TXNDC8: variants seen among roughly 807,000 people sequenced by gnomAD.
TXNDC8 encodes thioredoxin domain-containing protein 8.
Under a neutral mutation model 12.9 loss-of-function variants are expected in TXNDC8, and 15 were observed. The ratio of observed to expected loss-of-function variants is 1.16; its 90% CI spans 0.78 to 1.79. The LOEUF is 1.79. TXNDC8 is among the 40% of genes most tolerant of loss of function. The pLI, the probability that TXNDC8 is intolerant of heterozygous loss-of-function variation, is 0.00. For missense variants in TXNDC8, 128 were observed against 113.2 expected, an observed-to-expected ratio of 1.13 and a Z score of -0.59; for synonymous variants, 40 against 35.4, an observed-to-expected ratio of 1.13 and a Z score of -0.46.
At chr9:110,330,491 C>T (rs2118856770) in intron 2 of TXNDC8, among the ~76,000 whole-genome samples, 1 of 152,318 alleles carries the variant, frequency 6.6e-6, no homozygotes, top group African/African-American at 2.4e-5. Context: ...TTTGCCACTT[C>T]CATTGCACAC....
chr9:110,332,551 A>C (rs1168448415), intron 2 of TXNDC8, among the ~76,000 whole-genome samples: 1 of 143,288 alleles, frequency 7.0e-6, no homozygotes, highest in Non-Finnish European at 1.5e-5. Context: ...TGCTAAAAAT[A>C]AACCAGAGTA....
At chr9:110,333,768 T>C (rs1839635442) in intron 2 of TXNDC8, among the ~76,000 whole-genome samples, 1 of 152,186 alleles carries the variant, frequency 6.6e-6, no homozygotes, top group Non-Finnish European at 1.5e-5. Flanking sequence ...TCAATAAAGC[T>C]GTAGGAAAAA....
intron 2 of TXNDC8, among the ~76,000 whole-genome samples, chr9:110,329,840 G>T (rs969519483): frequency 2.6e-5 from 4 of 152,158 alleles, no homozygotes; most frequent in Non-Finnish European, 5.9e-5. Flanking sequence ...GCTCTACTAT[G>T]TGTGGAAACT....
intron 3 of TXNDC8, among the ~76,000 whole-genome samples, chr9:110,322,173 A>G (rs1839125905): frequency 1.6e-5 from 2 of 124,170 alleles, no homozygotes; most frequent in Non-Finnish European, 3.4e-5. Context: ...ATGTGACATA[A>G]ATGGTCTCAA....
chr9:110,308,858 G>A (rs1409841818), intron 3 of TXNDC8, among the ~76,000 whole-genome samples: 1 of 152,142 alleles, frequency 6.6e-6, no homozygotes, highest in Non-Finnish European at 1.5e-5. Context: ...CAAGAGTCAT[G>A]GGCAGATTCT....
At chr9:110,315,585 C>T (rs1057055452) in intron 3 of TXNDC8, among the ~76,000 whole-genome samples, 3 of 152,152 alleles carry the variant, frequency 2.0e-5, no homozygotes, top group Non-Finnish European at 2.9e-5. Flanking sequence ...AATATCTTGG[C>T]CAGTTGATAT....
intron 2 of TXNDC8, among the ~76,000 whole-genome samples, chr9:110,328,296 CAT>C (rs1352439668): frequency 6.6e-6 from 1 of 152,014 alleles, no homozygotes; most frequent in African/African-American, 2.4e-5. Context: ...TTTGTAGAAA[CAT>C]TGTGTGTATT....
intron 3 of TXNDC8, among the ~76,000 whole-genome samples, chr9:110,324,177 C>T (rs1160718612): frequency 6.6e-6 from 1 of 152,120 alleles, no homozygotes; most frequent in African/African-American, 2.4e-5. Context: ...TGCAATCAAG[C>T]TGCATGGATG....
At chr9:110,316,486 A>G (rs1484543931) in intron 3 of TXNDC8, among the ~76,000 whole-genome samples, 1 of 151,926 alleles carries the variant, frequency 6.6e-6, no homozygotes, top group Non-Finnish European at 1.5e-5. Flanking sequence ...TTTGACTTTC[A>G]CAAGACTCAA....
At chr9:110,304,616 G>A in intron 3 of TXNDC8, 84 bp from the exon 5 acceptor site, 2 of 1,284,474 alleles carry the variant, frequency 1.6e-6, no homozygotes, top group Non-Finnish European at 2.2e-6. Flanking sequence ...TTTTGGCCTT[G>A]GCCAGGGAAG....
intron 1 of TXNDC8, among the ~76,000 whole-genome samples, chr9:110,337,476 T>C (rs1554706589): frequency 6.6e-6 from 1 of 152,140 alleles, no homozygotes; most frequent in Admixed American, 6.5e-5. Flanking sequence ...GTACGATCCA[T>C]GGGATCAGAT....
chr9:110,325,396 C>T (rs1241785766), intron 3 of TXNDC8, among the ~76,000 whole-genome samples: 2 of 152,028 alleles, frequency 1.3e-5, no homozygotes, highest in African/African-American at 2.4e-5. Context: ...GTGCTAGAAG[C>T]AGTATGTGAA....
At chr9:110,322,835 A>C (rs1839159762) in intron 3 of TXNDC8, 1 of 985,336 alleles carries the variant, frequency 1.0e-6, no homozygotes, top group South Asian at 4.7e-5. Context: ...TCATGCACTC[A>C]CTCATTCATC....
intron 3 of TXNDC8, among the ~76,000 whole-genome samples, chr9:110,307,853 A>G (rs1451011805): frequency 1.3e-5 from 2 of 152,214 alleles, no homozygotes; most frequent in Non-Finnish European, 2.9e-5. Context: ...GATGTCTCAT[A>G]TCTCCCTAAC....
downstream of TXNDC8, among the ~76,000 whole-genome samples, chr9:110,302,933 G>A (rs1303724840): frequency 6.6e-5 from 10 of 152,136 alleles, no homozygotes; most frequent in African/African-American, 2.2e-4. Flanking sequence ...TTGTGATGAC[G>A]CCTGCCTATA....
intron 3 of TXNDC8, among the ~76,000 whole-genome samples, chr9:110,309,320 CA>C (rs1838575733): frequency 2.0e-5 from 3 of 152,124 alleles, no homozygotes; most frequent in Admixed American, 6.5e-5. Context: ...AAAATCCCCC[CA>C]AAAATTAATT....
At chr9:110,315,104 G>T (rs10980320) in intron 3 of TXNDC8, among the ~76,000 whole-genome samples, 6,940 of 151,286 alleles carry the variant, frequency 0.046, 191 homozygotes, top group Non-Finnish European at 0.065. Flanking sequence ...CCAGAGGCAG[G>T]TTTTTTTTTG....
At chr9:110,328,827 T>C (rs1259405015) in intron 2 of TXNDC8, among the ~76,000 whole-genome samples, 1 of 152,044 alleles carries the variant, frequency 6.6e-6, no homozygotes, top group Non-Finnish European at 1.5e-5. Flanking sequence ...AATAAAGAAA[T>C]TGATTAACAA....
intron 3 of TXNDC8, among the ~76,000 whole-genome samples, chr9:110,313,784 T>C (rs1184266082): frequency 6.6e-6 from 1 of 152,188 alleles, no homozygotes; most frequent in Non-Finnish European, 1.5e-5. Flanking sequence ...TTGTTTGTTG[T>C]TGTTCTTCTC....
Sources: gnomAD v4.1 joint callset for allele counts (sites outside exome capture counted in the v4.1 genomes callset) on GRCh38, gnomAD v4.1.1 for gene constraint, MANE v1.5 for transcripts, NCBI Gene and HGNC (gene_info 2026-07-23, HGNC 2026-07-21) for gene names.